The following ACAD11 variants were observed in gnomAD, a reference collection of about 807,000 sequenced individuals.
The protein encoded by ACAD11 is acyl-Coenzyme A dehydrogenase family, member 11.
In ACAD11, 83 loss-of-function variants were observed where a neutral mutation model predicts 102.2. The ratio of observed to expected loss-of-function variants is 0.81; its 90% CI spans 0.68 to 0.97. ACAD11 has a LOEUF of 0.97. Ranked by LOEUF, ACAD11 falls within the 50% of genes least tolerant of loss-of-function variation. The pLI is 0.00. For missense variants in ACAD11, 901 were observed against 951.7 expected, an observed-to-expected ratio of 0.95 and a Z score of 0.70; for synonymous variants, 324 against 319.8, an observed-to-expected ratio of 1.01 and a Z score of -0.14.
At chr3:132,657,994 T>TG (rs1028342355) in intron 1 of ACAD11, among the ~76,000 whole-genome samples, 1 of 151,598 alleles carries the variant, frequency 6.6e-6, no homozygotes, top group African/African-American at 2.4e-5. Flanking sequence ...CCCAAGTAGC[T>TG]GGGACTACAG....
intron 13 of ACAD11, among the ~76,000 whole-genome samples, chr3:132,598,764 T>C (rs2107817362): frequency 6.6e-6 from 1 of 152,352 alleles, no homozygotes; most frequent in African/African-American, 2.4e-5. Context: ...GTCCTATCAC[T>C]GTCTCTAGTG....
intron 5 of ACAD11, 90 bp downstream of exon 5, chr3:132,639,402 G>T (rs1940393367): frequency 1.3e-5 from 17 of 1,292,050 alleles, no homozygotes; most frequent in Non-Finnish European, 1.8e-5. Context: ...GAGTGGGTTG[G>T]GCTCCCTCAG....
At chr3:132,592,466 A>C (rs957754736) in intron 13 of ACAD11, among the ~76,000 whole-genome samples, 4 of 152,186 alleles carry the variant, frequency 2.6e-5, no homozygotes, top group Non-Finnish European at 5.9e-5. Context: ...AAGTGCCAGG[A>C]TTAAGTCAGG....
chr3:132,608,186 A>T (rs1938936763), intron 11 of ACAD11, among the ~76,000 whole-genome samples: 1 of 152,230 alleles, frequency 6.6e-6, no homozygotes, highest in South Asian at 2.1e-4. Flanking sequence ...AATTGTAAAG[A>T]CCATCGACAC....
chr3:132,608,942 T>G (rs1453730895), intron 11 of ACAD11, among the ~76,000 whole-genome samples: 1 of 152,086 alleles, frequency 6.6e-6, no homozygotes, highest in Non-Finnish European at 1.5e-5. Context: ...ACAAAAAGAC[T>G]CTCAGACCAC....
At chr3:132,658,545 T>C (rs190233742) in intron 1 of ACAD11, among the ~76,000 whole-genome samples, 26 of 152,366 alleles carry the variant, frequency 1.7e-4, no homozygotes, top group African/African-American at 6.0e-4. Flanking sequence ...TCCACAGCAA[T>C]TGAAATAGTT....
chr3:132,652,706 G>A (rs1940973988), intron 1 of ACAD11, among the ~76,000 whole-genome samples: 1 of 152,128 alleles, frequency 6.6e-6, no homozygotes, highest in African/African-American at 2.4e-5. Context: ...GAAATGTTTG[G>A]GGAACTAATA....
At chr3:132,635,359 C>T (rs373757558) in intron 5 of ACAD11, among the ~76,000 whole-genome samples, 2 of 152,104 alleles carry the variant, frequency 1.3e-5, no homozygotes, top group Non-Finnish European at 2.9e-5. Flanking sequence ...GCAAGTTATC[C>T]AAGCTACATA....
intron 1 of ACAD11, among the ~76,000 whole-genome samples, chr3:132,646,779 C>T (rs568669992): frequency 2.0e-5 from 3 of 152,192 alleles, no homozygotes; most frequent in South Asian, 2.1e-4. Context: ...AATAAAATGC[C>T]GATCCATGCT....
At chr3:132,591,698 C>T (rs533714107) in intron 13 of ACAD11, among the ~76,000 whole-genome samples, 117 of 151,978 alleles carry the variant, frequency 7.7e-4, no homozygotes, top group African/African-American at 2.1e-3. Context: ...GAAACCAGCC[C>T]GGGCAACCTA....
intron 9 of ACAD11, among the ~76,000 whole-genome samples, chr3:132,624,326 G>A (rs924247463): frequency 6.7e-6 from 1 of 149,896 alleles, no homozygotes; most frequent in Non-Finnish European, 1.5e-5. Flanking sequence ...AAAAAAAAAG[G>A]CCGGGCGTGG....
At chr3:132,585,695 C>T (rs1486166266) in intron 13 of ACAD11, among the ~76,000 whole-genome samples, 1 of 152,224 alleles carries the variant, frequency 6.6e-6, no homozygotes, top group Non-Finnish European at 1.5e-5. Flanking sequence ...TGAATAGACA[C>T]TTCTCAAAAG....
rs559774836 is a variant in ACAD11, at chr3:132,636,406, C to T, written c.702+3086G>A. On this transcript the variant is annotated intron_variant, in intron 5 of 19. Coordinates refer to ENST00000264990, the MANE Select transcript of ACAD11 (RefSeq NM_032169.5). Reference sequence around the variant, plus strand: ...ATTCATTTTATGTATACTTTTTACACCATTGAATTTTATTAATATGTATGT... The same window carrying T: ...ATTCATTTTATGTATACTTTTTACATCATTGAATTTTATTAATATGTATGT... 3.3e-5 allele frequency among the ~76,000 whole-genome samples: 5 copies of T among 152,162 alleles called. No homozygotes were observed. The South Asian group carries it at 1.0e-3, about 32-fold the overall frequency.
intron 9 of ACAD11, chr3:132,621,356 T>G (rs1045617466): frequency 6.6e-6 from 1 of 152,190 alleles, no homozygotes; most frequent in Non-Finnish European, 1.5e-5. Context: ...CAGTTAAGAT[T>G]GAGAGCTGAC....
chr3:132,590,097 C>T (rs1938012203), intron 13 of ACAD11, among the ~76,000 whole-genome samples: 1 of 152,142 alleles, frequency 6.6e-6, no homozygotes, highest in African/African-American at 2.4e-5. Context: ...TATTCTTTAT[C>T]CAATCTGTCA....
chr3:132,631,182 T>TC (rs1296419567), intron 6 of ACAD11, among the ~76,000 whole-genome samples, 159 bp downstream of exon 6: 1 of 151,432 alleles, frequency 6.6e-6, no homozygotes, highest in African/African-American at 2.4e-5. Context: ...AGAATTATCT[T>TC]CAACAAAAAA....
intron 1 of ACAD11, among the ~76,000 whole-genome samples, chr3:132,647,899 C>T (rs1940774262): frequency 6.6e-6 from 1 of 152,144 alleles, no homozygotes; most frequent in African/African-American, 2.4e-5. Context: ...ATAGATGGCA[C>T]ATTCTTGCTC....
chr3:132,623,138 G>A (rs932017769), intron 9 of ACAD11, among the ~76,000 whole-genome samples: 2 of 152,034 alleles, frequency 1.3e-5, no homozygotes, highest in Admixed American at 6.6e-5. Flanking sequence ...TAATATTCAA[G>A]GAGTTTCAAA....
chr3:132,562,921 T>C (rs1341650353), intron 17 of ACAD11, among the ~76,000 whole-genome samples: 1 of 152,222 alleles, frequency 6.6e-6, no homozygotes, highest in East Asian at 1.9e-4. Context: ...AAATGATTTT[T>C]CCACTATGTT....
Sources: gnomAD v4.1 joint callset for allele counts (sites outside exome capture counted in the v4.1 genomes callset) on GRCh38, gnomAD v4.1.1 for gene constraint, MANE v1.5 for transcripts, NCBI Gene and HGNC (gene_info 2026-07-23, HGNC 2026-07-21) for gene names.